OARD1: variants seen among roughly 807,000 people sequenced by gnomAD.
The protein encoded by OARD1 is O-acyl-ADP-ribose deacylase 1.
OARD1 carries 19 observed loss-of-function variants against 19.7 expected under a neutral mutation model. The observed-to-expected ratio is 0.96, with a 90% CI of 0.67 to 1.41. The LOEUF is 1.41. Ranked by LOEUF, OARD1 falls within the 40% of genes most tolerant of loss-of-function variation. The pLI is 0.00. For missense variants in OARD1, 190 were observed against 183.8 expected, an observed-to-expected ratio of 1.03 and a Z score of -0.20; for synonymous variants, 70 against 61.8, an observed-to-expected ratio of 1.13 and a Z score of -0.62.
chr6:41,080,875 A>T (rs751332244), intron 1 of OARD1: 1 of 1,614,052 alleles, frequency 6.2e-7, no homozygotes, highest in South Asian at 1.1e-5. Flanking sequence ...GCCTCAGGCC[A>T]GCAAGTCCAG....
At chr6:41,084,118 G>T in intron 1 of OARD1, 1 of 1,614,142 alleles carries the variant, frequency 6.2e-7, no homozygotes, top group Non-Finnish European at 8.5e-7. Flanking sequence ...ACCCATCATG[G>T]TCCAGGCTGT....
intron 4 of OARD1, chr6:41,069,172 G>A (rs9471471): frequency 1.1e-4 from 42 of 368,958 alleles, no homozygotes; most frequent in African/African-American, 1.7e-4. Flanking sequence ...ACTCTGCCAC[G>A]TAGCAATCTT....
At chr6:41,085,379 A>G (rs1349486674) in intron 1 of OARD1, among the ~76,000 whole-genome samples, 4 of 152,244 alleles carry the variant, frequency 2.6e-5, no homozygotes, top group Non-Finnish European at 5.9e-5. Context: ...GGAATATTGC[A>G]TCATCATTAA....
chr6:41,068,961 C>A lies in OARD1; in HGVS notation c.244-8G>T. On this transcript the variant is annotated splice_region_variant and splice_polypyrimidine_tract_variant and intron_variant, in intron 4 of 5. Coordinates refer to ENST00000424266, the MANE Select transcript of OARD1 (RefSeq NM_001329686.2). ...AGCCCTTTTCTTTGTAATCTGAACA[C>A]AAAGGATTCAAACTTTCATCATCCC... 1 of 1,484,074 alleles carries A rather than the reference C, an allele frequency of 6.7e-7. No homozygotes were observed. The highest frequency in any genetic ancestry group is 9.3e-7 in the Non-Finnish European group (1 of 1,078,600). The allele number at this position is 1,484,074 out of a possible 1,614,324, so 91.9% of individuals were successfully genotyped here.
At chr6:41,070,173 A>G in intron 3 of OARD1, 39 bp from the exon 4 acceptor site, 1 of 1,060,106 alleles carries the variant, frequency 9.4e-7, no homozygotes, top group Non-Finnish European at 1.4e-6. Flanking sequence ...TGAAAAAGAA[A>G]ACCAAACACT....
chr6:41,094,350 G>T lies in OARD1; in HGVS notation c.-42+3363C>A, dbSNP rs1582037579. ...ATTTGTGCACTAGATAACTGTGCTG[G>T]TTCTGGATAGTATTAATAGTTAAAT... On this transcript the variant is annotated intron_variant, in intron 1 of 4. Coordinates refer to the OARD1 transcript ENST00000480585. 5 of 1,535,094 alleles carry T rather than the reference G, an allele frequency of 3.3e-6. No homozygotes were observed. The African/African-American group carries it at 5.4e-5, about 17-fold the overall frequency.
chr6:41,086,664 A>C (rs1401936578), intron 1 of OARD1, among the ~76,000 whole-genome samples: 1 of 152,184 alleles, frequency 6.6e-6, no homozygotes, highest in East Asian at 1.9e-4. Context: ...CTCATGAAAA[A>C]TTCTGCATAT....
At chr6:41,073,210 C>G (rs1419505988), upstream of OARD1, 1 of 151,872 alleles carries the variant, frequency 6.6e-6, no homozygotes, top group African/African-American at 2.4e-5. Context: ...CTGAGCCTAG[C>G]CGAGCCGGGC....
intron 1 of OARD1, among the ~76,000 whole-genome samples, chr6:41,082,266 G>A (rs372271432): frequency 2.6e-5 from 4 of 152,352 alleles, no homozygotes; most frequent in African/African-American, 9.6e-5. Flanking sequence ...AACTGAGCTT[G>A]TAGGCATTCC....
chr6:41,071,507 A>C lies in OARD1; in HGVS notation c.39+89T>G, dbSNP rs377637453. ...AGCTAGAGAGAAAAAAAGATAATGCAATCATTAATTTAATTAAAAAGTGTT... is the reference window on the plus strand; with the variant it reads ...AGCTAGAGAGAAAAAAAGATAATGCCATCATTAATTTAATTAAAAAGTGTT... On this transcript the variant is annotated intron_variant, in intron 2 of 5. Transcript: ENST00000424266. 16 of 1,186,328 alleles carry C rather than the reference A, an allele frequency of 1.3e-5. No individual in the cohort carries two copies. The East Asian group carries it at 3.5e-4, about 26-fold the overall frequency. 73.5% of individuals were successfully genotyped at this position (1,186,328 alleles called of 1,614,324 possible).
chr6:41,082,601 G>A (rs1343259744), intron 1 of OARD1, among the ~76,000 whole-genome samples: 4 of 152,204 alleles, frequency 2.6e-5, no homozygotes, highest in Non-Finnish European at 5.9e-5. Context: ...TACTTACATA[G>A]ATTTTATTTA....
intron 1 of OARD1, among the ~76,000 whole-genome samples, chr6:41,095,985 T>C (rs1324886716): frequency 6.6e-6 from 1 of 152,236 alleles, no homozygotes; most frequent in Non-Finnish European, 1.5e-5. Context: ...CTCCATTCTA[T>C]ATTAACATCA....
intron 1 of OARD1, chr6:41,080,832 G>C (rs779732285): frequency 1.9e-6 from 3 of 1,613,786 alleles, no homozygotes; most frequent in Non-Finnish European, 2.5e-6. Context: ...TGTCACTGCT[G>C]TGCAGTTGCA....
intron 1 of OARD1, chr6:41,090,323 T>C (rs1764166243): frequency 6.3e-7 from 1 of 1,589,840 alleles, no homozygotes; most frequent in Non-Finnish European, 8.6e-7. Flanking sequence ...AGTGTACCCA[T>C]AAGCTTCCCT....
intron 1 of OARD1, chr6:41,097,374 TGAA>T: frequency 6.2e-7 from 1 of 1,614,038 alleles, no homozygotes; most frequent in Non-Finnish European, 8.5e-7. Context: ...ACCAAGCCGA[TGAA>T]GAAGCAATGA....
intron 1 of OARD1, chr6:41,089,473 T>G: frequency 7.7e-7 from 1 of 1,290,798 alleles, no homozygotes; most frequent in East Asian, 2.7e-5. Flanking sequence ...TCTTTTTTCC[T>G]CTTCAGAACA....
At chr6:41,093,345 G>A (rs983148903) in intron 1 of OARD1, among the ~76,000 whole-genome samples, 1 of 152,140 alleles carries the variant, frequency 6.6e-6, no homozygotes, top group Non-Finnish European at 1.5e-5. Flanking sequence ...TCCTGGACTG[G>A]TAGCACATTT....
At chr6:41,070,015 C>G (rs1265723640) in intron 4 of OARD1, 61 bp downstream of exon 4, 1 of 986,594 alleles carries the variant, frequency 1.0e-6, no homozygotes, top group South Asian at 1.3e-5. Context: ...CATCTGTTCA[C>G]AAATCCTTAA....
rs1242566746 is a variant in OARD1, at chr6:41,065,376, C to T, written c.*1959G>A. 6.6e-6 allele frequency: 1 copy of T among 152,118 alleles called. No homozygotes were observed. 9.4% of individuals were successfully genotyped at this position (152,118 alleles called of 1,614,324 possible). On this transcript the variant is annotated 3_prime_UTR_variant, in exon 6 of 6. Coordinates refer to ENST00000424266, the MANE Select transcript of OARD1 (RefSeq NM_001329686.2). ...CAAAAGCCATACACATTCAGTACAC[C>T]CTTCAACTGAACTCAACTTAAGATG...
Sources: allele counts gnomAD v4.1 joint callset (sites outside exome capture counted in the v4.1 genomes callset), GRCh38; gene constraint gnomAD v4.1.1; transcripts MANE v1.5; gene names NCBI Gene and HGNC (gene_info 2026-07-23, HGNC 2026-07-21).